ERN1: variants seen among roughly 807,000 people sequenced by gnomAD.
The protein encoded by ERN1 is endoplasmic reticulum to nucleus signaling 1, also known as serine/threonine-protein kinase/endoribonuclease IRE1.
In ERN1, 39 loss-of-function variants were observed where a neutral mutation model predicts 113.1. That is an observed-to-expected ratio of 0.34 (90% CI 0.27 to 0.45). The LOEUF is 0.45. Ranked by LOEUF, ERN1 falls within the 20% of genes least tolerant of loss-of-function variation. ERN1 has a pLI of 1.00. For missense variants in ERN1, 976 were observed against 1,274.8 expected (o/e 0.77, Z 3.57); for synonymous variants, 507 against 515.9 (o/e 0.98, Z 0.23).
At chr17:64,073,854 G>C (rs1913506684) in intron 5 of ERN1, among the ~76,000 whole-genome samples, 1 of 151,992 alleles carries the variant, frequency 6.6e-6, no homozygotes, top group Non-Finnish European at 1.5e-5. Context: ...ATGTTGACCA[G>C]GCTAGTTTCA....
intron 5 of ERN1, among the ~76,000 whole-genome samples, chr17:64,072,641 A>C (rs1007043655): frequency 3.9e-5 from 6 of 152,266 alleles, no homozygotes; most frequent in Non-Finnish European, 8.8e-5. Flanking sequence ...TAAGGATGTC[A>C]AAGTTGTCTC....
Position 64,042,215 on chromosome 17 carries a change from A to T in ERN1, c.*1773T>A, listed in dbSNP as rs1912361729. On this transcript the variant is annotated 3_prime_UTR_variant, in exon 22 of 22. Transcript: ENST00000433197. ...AAATGCGGTCTGGCCACGTTTCTGA[A>T]CAACGCACAGCCTTGCTTAGAAGAC... The T allele has an allele frequency of 6.6e-6, 1 of 152,304 alleles. No homozygotes were observed. The highest frequency in any genetic ancestry group is 2.1e-4 in the South Asian group (1 of 4,836). The allele number at this position is 152,304 out of a possible 1,614,324, so 9.4% of individuals were successfully genotyped here.
chr17:64,072,215 G>T (rs911215030), intron 5 of ERN1, 112 bp from the exon 6 acceptor site: 107 of 1,166,796 alleles, frequency 9.2e-5, no homozygotes, highest in Non-Finnish European at 1.3e-4. Context: ...AATTTCTTAG[G>T]ATGTCATTTC....
intron 6 of ERN1, among the ~76,000 whole-genome samples, chr17:64,069,720 G>T (rs867490073): frequency 6.6e-6 from 1 of 152,172 alleles, no homozygotes; most frequent in South Asian, 2.1e-4. Flanking sequence ...CATGTTGGGT[G>T]GGGGATGGGA....
chr17:64,071,874 G>A, intron 6 of ERN1, 107 bp downstream of exon 6: 1 of 1,233,406 alleles, frequency 8.1e-7, no homozygotes, highest in South Asian at 1.4e-5. Flanking sequence ...TGGGACCTGT[G>A]TTTGGAAAAA....
intron 8 of ERN1, among the ~76,000 whole-genome samples, chr17:64,066,341 A>G (rs1913223711): frequency 6.6e-6 from 1 of 152,034 alleles, no homozygotes; most frequent in Non-Finnish European, 1.5e-5. Context: ...GGGTCTTGCC[A>G]TGTTGCCCAG....
At chr17:64,123,500 G>A (rs749455579) in intron 1 of ERN1, among the ~76,000 whole-genome samples, 1 of 151,906 alleles carries the variant, frequency 6.6e-6, no homozygotes, top group Non-Finnish European at 1.5e-5. Context: ...TAAAGTCTAC[G>A]CTCCTAAAAG....
chr17:64,127,870 T>C (rs1296188350), intron 1 of ERN1, among the ~76,000 whole-genome samples: 1 of 152,192 alleles, frequency 6.6e-6, no homozygotes, highest in Non-Finnish European at 1.5e-5. Context: ...ACCCACTGCG[T>C]TCTGCACATC....
intron 1 of ERN1, among the ~76,000 whole-genome samples, chr17:64,124,593 T>A (rs1036679465): frequency 2.0e-5 from 3 of 152,230 alleles, no homozygotes; most frequent in Admixed American, 2.0e-4. Flanking sequence ...CAACGTAAGA[T>A]GTGACTTGCT....
At chr17:64,088,347 G>A (rs1225252180) in intron 2 of ERN1, among the ~76,000 whole-genome samples, 1 of 152,090 alleles carries the variant, frequency 6.6e-6, no homozygotes, top group Non-Finnish European at 1.5e-5. Flanking sequence ...GCACAACTAA[G>A]ATATTACCAC....
intron 8 of ERN1, among the ~76,000 whole-genome samples, chr17:64,065,513 T>A (rs969749432): frequency 6.6e-6 from 1 of 152,144 alleles, no homozygotes; most frequent in Non-Finnish European, 1.5e-5. Context: ...AGCCACCTAA[T>A]GGCAAGCCTC....
At chr17:64,056,441 G>A (rs546702643) in intron 12 of ERN1, among the ~76,000 whole-genome samples, 8 of 152,346 alleles carry the variant, frequency 5.3e-5, no homozygotes, top group African/African-American at 1.7e-4. Flanking sequence ...GGAAGCTCTA[G>A]TATTCTAGGT....
intron 4 of ERN1, among the ~76,000 whole-genome samples, chr17:64,077,358 A>G (rs1404419260): frequency 6.6e-6 from 1 of 152,254 alleles, no homozygotes; most frequent in Admixed American, 6.5e-5. Flanking sequence ...GTCAAGTTTC[A>G]CAAAGTGAAC....
intron 16 of ERN1, 96 bp from the exon 17 acceptor site, chr17:64,053,075 T>G: frequency 9.6e-7 from 1 of 1,043,362 alleles, no homozygotes; most frequent in Non-Finnish European, 1.4e-6. Context: ...CCAATATGCC[T>G]GCCGCCACCT....
intron 1 of ERN1, chr17:64,102,709 T>C (rs1914420716): frequency 3.0e-6 from 3 of 985,404 alleles, no homozygotes; most frequent in Non-Finnish European, 3.6e-6. Flanking sequence ...AAAGATGAAC[T>C]TGTGCCTTGT....
chr17:64,053,206 T>C, intron 16 of ERN1, 66 bp downstream of exon 16: 1 of 1,364,310 alleles, frequency 7.3e-7, no homozygotes, highest in Non-Finnish European at 1.0e-6. Flanking sequence ...AGCTACTGGT[T>C]AGCCCCACCT....
chr17:64,124,774 T>C (rs1915037645), intron 1 of ERN1, among the ~76,000 whole-genome samples: 1 of 152,224 alleles, frequency 6.6e-6, no homozygotes, highest in Non-Finnish European at 1.5e-5. Flanking sequence ...TATAATGGAA[T>C]ATTATTCAGC....
chr17:64,052,942 G>A lies in ERN1; in HGVS notation c.2091C>T (p.Ser697=). 1.2e-6 allele frequency: 2 copies of A among 1,613,440 alleles called. No individual in the cohort carries two copies. Among genetic ancestry groups the A allele is most frequent in the Non-Finnish European group, 1.7e-6 (2 of 1,179,612 alleles). ...RDLKPHNILI[S]MPNAHGKIKA... ...TGATCTTGCCGTGTGCATTGGGCAT[G>A]GATATGAGGATGTTGTGTGGCTTTA... The change falls in exon 17 of 22, where the codon TCC becomes TCT. Residue 697 remains serine (S), a synonymous_variant. Transcript: ENST00000433197.
chr17:64,062,752 A>T (rs567578285), intron 10 of ERN1, among the ~76,000 whole-genome samples: 30 of 152,070 alleles, frequency 2.0e-4, no homozygotes, highest in Non-Finnish European at 4.3e-4. Flanking sequence ...CTCATTAGCT[A>T]TTTTTTTCTC....
Sources: allele counts gnomAD v4.1 joint callset (sites outside exome capture counted in the v4.1 genomes callset), GRCh38; gene constraint gnomAD v4.1.1; transcripts MANE v1.5; gene names NCBI Gene and HGNC (gene_info 2026-07-23, HGNC 2026-07-21).